RBFOX1: variants seen among roughly 807,000 people sequenced by gnomAD.
RBFOX1 encodes the protein RNA binding protein fox-1 homolog 1.
A neutral mutation model predicts 57.7 loss-of-function variants in RBFOX1; 8 were observed. The observed-to-expected ratio is 0.14, with a 90% CI of 0.08 to 0.25. The LOEUF (loss-of-function observed/expected upper bound fraction) is 0.25, where lower values mean the gene tolerates loss of function less well. RBFOX1 is among the 10% of genes least tolerant of loss of function. The pLI, the probability that RBFOX1 is intolerant of heterozygous loss-of-function variation, is 1.00. For synonymous variants in RBFOX1, 326 were observed against 222.4 expected, an observed-to-expected ratio of 1.47 and a Z score of -4.15; for missense variants, 611 against 548.5, an observed-to-expected ratio of 1.11 and a Z score of -1.14.
chr16:6,263,336 G>C (rs1448972419), intron 1 of RBFOX1, among the ~76,000 whole-genome samples: 4 of 152,106 alleles, frequency 2.6e-5, no homozygotes, highest in East Asian at 3.9e-4. Flanking sequence ...CAAACTGTGG[G>C]GCCGGTGTGG....
At chr16:5,412,920 A>G (rs1042314923) in intron 1 of RBFOX1, among the ~76,000 whole-genome samples, 5 of 152,192 alleles carry the variant, frequency 3.3e-5, no homozygotes, top group African/African-American at 1.2e-4. Flanking sequence ...CACCCAGGAC[A>G]TGGCTGCATG....
At chr16:5,385,214 A>C (rs2066227037) in intron 1 of RBFOX1, among the ~76,000 whole-genome samples, 1 of 152,168 alleles carries the variant, frequency 6.6e-6, no homozygotes, top group Admixed American at 6.5e-5. Flanking sequence ...TACACACTGG[A>C]AAGTGGCAAG....
chr16:6,949,708 C>G (rs752850255), intron 3 of RBFOX1, among the ~76,000 whole-genome samples: 39 of 152,158 alleles, frequency 2.6e-4, no homozygotes, highest in Middle Eastern at 6.3e-3. Flanking sequence ...GGTCCTACCT[C>G]CACATATAGT....
At chr16:6,904,680 G>C (rs1012394074) in intron 3 of RBFOX1, among the ~76,000 whole-genome samples, 1 of 151,108 alleles carries the variant, frequency 6.6e-6, no homozygotes, top group East Asian at 1.9e-4. Flanking sequence ...ACTGTTTGGG[G>C]AAGCAGCTGC....
At chr16:7,299,711 G>A (rs1455835700) in intron 4 of RBFOX1, among the ~76,000 whole-genome samples, 2 of 152,132 alleles carry the variant, frequency 1.3e-5, no homozygotes, top group Non-Finnish European at 2.9e-5. Flanking sequence ...CAGGGGTTGA[G>A]ACATTCTAGA....
At chr16:6,757,267 A>T (rs945764282) in intron 3 of RBFOX1, among the ~76,000 whole-genome samples, 3 of 152,164 alleles carry the variant, frequency 2.0e-5, no homozygotes, top group African/African-American at 7.2e-5. Flanking sequence ...AAATAGAACT[A>T]CCATAAAATC....
chr16:5,512,198 C>T (rs1464728076), intron 2 of RBFOX1, among the ~76,000 whole-genome samples: 1 of 152,146 alleles, frequency 6.6e-6, no homozygotes, highest in Admixed American at 6.5e-5. Flanking sequence ...CGAGGGTGAG[C>T]ACAGCTGGGT....
chr16:5,322,534 G>A (rs17137819), intron 1 of RBFOX1, among the ~76,000 whole-genome samples: 2,988 of 152,130 alleles, frequency 0.02, 88 homozygotes, highest in East Asian at 0.13. Flanking sequence ...TTAATCCTCC[G>A]GCAAGACTAG....
At chr16:7,293,378 C>G (rs749137047) in intron 4 of RBFOX1, among the ~76,000 whole-genome samples, 3 of 152,124 alleles carry the variant, frequency 2.0e-5, no homozygotes, top group East Asian at 1.9e-4. Flanking sequence ...GTCCTAGAAC[C>G]AATCACCCAT....
intron 4 of RBFOX1, among the ~76,000 whole-genome samples, chr16:7,286,596 C>T (rs984704458): frequency 6.7e-6 from 1 of 149,176 alleles, no homozygotes; most frequent in African/African-American, 2.5e-5. Context: ...ATTTCAGGAG[C>T]ACACCACCAG....
At chr16:7,553,966 A>G (rs181502040) in intron 5 of RBFOX1, among the ~76,000 whole-genome samples, 53 of 152,308 alleles carry the variant, frequency 3.5e-4, no homozygotes, top group African/African-American at 1.2e-3. Flanking sequence ...TAAGAAGGCC[A>G]GGCCCAGTGG....
intron 4 of RBFOX1, among the ~76,000 whole-genome samples, chr16:7,389,610 A>G (rs1162167619): frequency 6.6e-6 from 1 of 152,176 alleles, no homozygotes; most frequent in Non-Finnish European, 1.5e-5. Flanking sequence ...ACACTACCTA[A>G]AAACAATAAT....
At chr16:7,004,625 G>T (rs1005702660) in intron 3 of RBFOX1, among the ~76,000 whole-genome samples, 3 of 152,166 alleles carry the variant, frequency 2.0e-5, no homozygotes. Flanking sequence ...CAGTTTTCTT[G>T]AAAGCCTCAA....
chr16:7,243,767 C>G (rs1052527336), intron 4 of RBFOX1, among the ~76,000 whole-genome samples: 1 of 152,078 alleles, frequency 6.6e-6, no homozygotes, highest in Non-Finnish European at 1.5e-5. Context: ...CCAGACTGGT[C>G]TTGAACTTTT....
intron 3 of RBFOX1, among the ~76,000 whole-genome samples, chr16:5,779,158 C>G (rs575055050): frequency 2.0e-4 from 31 of 152,260 alleles, no homozygotes; most frequent in African/African-American, 7.0e-4. Flanking sequence ...TGCATACCCA[C>G]TTTTTGCGAA....
intron 2 of RBFOX1, among the ~76,000 whole-genome samples, chr16:6,651,972 A>T (rs1036499565): frequency 6.6e-6 from 1 of 152,230 alleles, no homozygotes; most frequent in Non-Finnish European, 1.5e-5. Context: ...GCACAGAAGG[A>T]CAAATGTTGT....
chr16:7,199,040 A>C (rs1245107346), intron 4 of RBFOX1, among the ~76,000 whole-genome samples: 2 of 152,210 alleles, frequency 1.3e-5, no homozygotes, highest in African/African-American at 2.4e-5. Flanking sequence ...TTTCAGTTCC[A>C]AGGGACAAGG....
intron 1 of RBFOX1, among the ~76,000 whole-genome samples, chr16:6,153,039 T>G (rs1335471127): frequency 1.3e-5 from 2 of 151,100 alleles, no homozygotes; most frequent in African/African-American, 4.9e-5. Flanking sequence ...TTCTGTTTTT[T>G]TTTTTTTTTT....
intron 3 of RBFOX1, among the ~76,000 whole-genome samples, chr16:5,698,630 AACAAAAACTT>A (rs1199476708): frequency 6.6e-6 from 1 of 152,208 alleles, no homozygotes; most frequent in African/African-American, 2.4e-5. Flanking sequence ...CAGGTGTTCA[AACAAAAACTT>A]ACAGATGAAT....
Sources: allele counts gnomAD v4.1 joint callset (sites outside exome capture counted in the v4.1 genomes callset), GRCh38; gene constraint gnomAD v4.1.1; transcripts MANE v1.5; gene names NCBI Gene and HGNC (gene_info 2026-07-23, HGNC 2026-07-21).